CSMD1: variants seen among roughly 807,000 people sequenced by gnomAD.
CSMD1 encodes the protein CUB and Sushi multiple domains 1.
A neutral mutation model predicts 417.5 loss-of-function variants in CSMD1; 213 were observed. That is an observed-to-expected ratio of 0.51 (90% CI 0.46 to 0.57). The LOEUF (loss-of-function observed/expected upper bound fraction) is 0.57. Among genes scored for constraint, CSMD1 ranks in the 20% least tolerant of loss-of-function variants. The pLI is 0.00. For missense variants in CSMD1, 6,923 were observed against 4,529.7 expected (o/e 1.53, Z -15.17); for synonymous variants, 2,862 against 1,736.8 (o/e 1.65, Z -16.11).
At chr8:3,148,535 T>C (rs1019207793) in intron 40 of CSMD1, among the ~76,000 whole-genome samples, 4 of 152,202 alleles carry the variant, frequency 2.6e-5, no homozygotes, top group Non-Finnish European at 4.4e-5. Context: ...TTAAAACTCA[T>C]GTGCATAGAA....
intron 3 of CSMD1, among the ~76,000 whole-genome samples, chr8:4,059,420 G>T (rs1253360212): frequency 6.6e-6 from 1 of 152,176 alleles, no homozygotes; most frequent in African/African-American, 2.4e-5. Flanking sequence ...AAAGCTAGCA[G>T]AAGGCAAGAA....
chr8:3,446,271 C>T (rs949366710), intron 12 of CSMD1, among the ~76,000 whole-genome samples: 1 of 152,202 alleles, frequency 6.6e-6, no homozygotes. Flanking sequence ...GAAACGTGTG[C>T]TGCATGGGCT....
chr8:3,220,564 G>C (rs1798147768), intron 28 of CSMD1, among the ~76,000 whole-genome samples: 1 of 152,184 alleles, frequency 6.6e-6, no homozygotes, highest in Non-Finnish European at 1.5e-5. Flanking sequence ...AGAGCACAGT[G>C]GCTCTAGCCT....
In CSMD1 at chr8:4,920,967, AAAGAAAGAAAGAAAC is replaced by A. The variant is rs1563769705; in HGVS notation, c.85+73350_85+73364del. 9.9e-4 allele frequency among the ~76,000 whole-genome samples: 24 copies of A among 24,276 alleles called. 3 individuals are homozygous for A. Among genetic ancestry groups the A allele is most frequent in the Non-Finnish European group, 1.9e-3 (17 of 8,916 alleles). 15.9% of individuals were successfully genotyped at this position (24,276 alleles called of 152,430 possible). ...GAAAGAAAGAAAGAAAGAAAGAAAG[AAAGAAAGAAAGAAAC>A]AAAGAAAGAAAGAAAAGAAAGAAAG... On this transcript the variant is annotated intron_variant, in intron 1 of 69. Transcript: ENST00000635120.
intron 3 of CSMD1, among the ~76,000 whole-genome samples, chr8:4,357,192 G>GAGGGTT (rs796225833): frequency 1.8e-4 from 28 of 152,274 alleles, no homozygotes; most frequent in African/African-American, 6.3e-4. Context: ...CATGTAGTGT[G>GAGGGTT]TTCTTAAGTA....
Position 3,458,093 on chromosome 8 carries a change from G to T in CSMD1, c.1561+10619C>A, listed in dbSNP as rs376417440. Among the ~76,000 whole-genome samples, 4 of 152,136 alleles carry T rather than the reference G, an allele frequency of 2.6e-5. No homozygotes were observed. In the South Asian group the frequency reaches 8.3e-4, roughly 31 times the overall value. On this transcript the variant is annotated intron_variant, in intron 12 of 69. Coordinates refer to ENST00000635120, the MANE Select transcript of CSMD1 (RefSeq NM_033225.6). ...CGTCTCCCAGGAAGTTTGCTCTAAC[G>T]TGAGCCCCGCAGCGCTTAACCTCCG...
chr8:4,732,070 C>T (rs746918267), intron 1 of CSMD1, among the ~76,000 whole-genome samples: 26 of 152,084 alleles, frequency 1.7e-4, no homozygotes, highest in Non-Finnish European at 8.8e-5. Flanking sequence ...ATCTCTCTTG[C>T]TAATCTTTCC....
At chr8:3,782,733 G>T (rs1181501643) in intron 5 of CSMD1, among the ~76,000 whole-genome samples, 1 of 152,170 alleles carries the variant, frequency 6.6e-6, no homozygotes, top group Non-Finnish European at 1.5e-5. Flanking sequence ...GGGTGTTGGT[G>T]ATACTGAATT....
intron 3 of CSMD1, among the ~76,000 whole-genome samples, chr8:4,143,341 G>A (rs926145248): frequency 1.4e-5 from 2 of 145,586 alleles, no homozygotes; most frequent in African/African-American, 2.6e-5. Context: ...TCTGATTCAT[G>A]GGCTGCTGAA....
At chr8:4,147,339 C>T (rs1265013412) in intron 3 of CSMD1, among the ~76,000 whole-genome samples, 2 of 152,068 alleles carry the variant, frequency 1.3e-5, no homozygotes, top group African/African-American at 4.8e-5. Flanking sequence ...CTGTCTATTG[C>T]GCCCCACCCT....
At chr8:3,352,602 G>A (rs1270902513) in intron 21 of CSMD1, among the ~76,000 whole-genome samples, 1 of 152,176 alleles carries the variant, frequency 6.6e-6, no homozygotes, top group Non-Finnish European at 1.5e-5. Context: ...CAGTTTGGGA[G>A]CGCGAGGCAG....
chr8:3,933,566 T>G (rs1202195668), intron 5 of CSMD1, among the ~76,000 whole-genome samples: 1 of 152,162 alleles, frequency 6.6e-6, no homozygotes, highest in African/African-American at 2.4e-5. Flanking sequence ...CAAAACAGGA[T>G]ACATTGAGAA....
intron 32 of CSMD1, among the ~76,000 whole-genome samples, chr8:3,200,256 C>A (rs1215545488): frequency 6.6e-6 from 1 of 151,630 alleles, no homozygotes; most frequent in South Asian, 2.1e-4. Flanking sequence ...TATTTTTAAC[C>A]TTTAAAAGCA....
intron 3 of CSMD1, among the ~76,000 whole-genome samples, chr8:4,275,542 G>T (rs1183358578): frequency 3.9e-5 from 6 of 152,082 alleles, no homozygotes. Flanking sequence ...ACACATTGGT[G>T]AACTTCCAAA....
At chr8:4,231,638 C>T (rs1024621545) in intron 3 of CSMD1, among the ~76,000 whole-genome samples, 1 of 152,198 alleles carries the variant, frequency 6.6e-6, no homozygotes, top group African/African-American at 2.4e-5. Context: ...TTCTTTACTG[C>T]AGGCTCTGTC....
chr8:3,392,480 TTTTCTC>T (rs1423437289), intron 17 of CSMD1, among the ~76,000 whole-genome samples: 1 of 151,960 alleles, frequency 6.6e-6, no homozygotes, highest in African/African-American at 2.4e-5. Flanking sequence ...CTTTGCCACT[TTTTCTC>T]TGTCTCTGCT....
At chr8:4,970,052 T>C (rs1810140804) in intron 1 of CSMD1, among the ~76,000 whole-genome samples, 1 of 152,152 alleles carries the variant, frequency 6.6e-6, no homozygotes, top group Admixed American at 6.6e-5. Context: ...TGTCCAATAA[T>C]AGCACACAGA....
chr8:3,653,297 A>C (rs1055348447), intron 7 of CSMD1, among the ~76,000 whole-genome samples: 1 of 152,138 alleles, frequency 6.6e-6, no homozygotes, highest in South Asian at 2.1e-4. Context: ...AGAAAACTAA[A>C]GTTATGGGGG....
chr8:3,398,530 A>T (rs9644270), intron 16 of CSMD1, among the ~76,000 whole-genome samples: 10,277 of 152,294 alleles, frequency 0.067, 413 homozygotes, highest in East Asian at 0.16. Flanking sequence ...GAAAACAAAA[A>T]GATAATAATA....
Sources: allele counts gnomAD v4.1 joint callset (sites outside exome capture counted in the v4.1 genomes callset), GRCh38; gene constraint gnomAD v4.1.1; transcripts MANE v1.5; gene names NCBI Gene and HGNC (gene_info 2026-07-23, HGNC 2026-07-21).